The following MYO3B variants were observed in gnomAD, a reference collection of about 807,000 sequenced individuals.
The protein encoded by MYO3B is myosin-IIIb.
In MYO3B, 156 loss-of-function variants were observed where a neutral mutation model predicts 174.6. The ratio of observed to expected loss-of-function variants is 0.89; its 90% CI spans 0.78 to 1.02. MYO3B has a LOEUF of 1.02. MYO3B is among the 50% of genes least tolerant of loss of function. The pLI, the probability that MYO3B is intolerant of heterozygous loss-of-function variation, is 0.00. For missense variants in MYO3B, 1,632 were observed against 1,639.4 expected, an observed-to-expected ratio of 1.00 and a Z score of 0.08; for synonymous variants, 563 against 569.1, an observed-to-expected ratio of 0.99 and a Z score of 0.15.
intron 17 of MYO3B, 51 bp from the exon 18 acceptor site, chr2:170,401,430 A>C: frequency 1.3e-6 from 2 of 1,530,194 alleles, no homozygotes; most frequent in Non-Finnish European, 1.8e-6. Flanking sequence ...GAACAGACTG[A>C]CTGAATGAAG....
At chr2:170,308,964 C>T (rs1257689361) in intron 7 of MYO3B, among the ~76,000 whole-genome samples, 1 of 152,168 alleles carries the variant, frequency 6.6e-6, no homozygotes, top group Non-Finnish European at 1.5e-5. Context: ...AGAGGTTATG[C>T]CCTCTGTATC....
intron 5 of MYO3B, 144 bp from the exon 6 acceptor site, chr2:170,217,175 C>G (rs762468264): frequency 5.8e-6 from 4 of 690,808 alleles, no homozygotes; most frequent in Non-Finnish European, 1.1e-5. Context: ...TGTACTATTG[C>G]AGCAGAACTG....
At chr2:170,313,767 T>C (rs2093755559) in intron 7 of MYO3B, among the ~76,000 whole-genome samples, 1 of 152,118 alleles carries the variant, frequency 6.6e-6, no homozygotes, top group Non-Finnish European at 1.5e-5. Flanking sequence ...GCAGGCAAGA[T>C]TTCTCTCCAG....
At chr2:170,607,013 T>A (rs1331120151) in intron 32 of MYO3B, among the ~76,000 whole-genome samples, 1 of 152,000 alleles carries the variant, frequency 6.6e-6, no homozygotes, top group East Asian at 1.9e-4. Context: ...AAAGCGAAAC[T>A]CCGTCTCAAA....
At chr2:170,349,407 A>G (rs2094043182) in intron 8 of MYO3B, 1 of 152,166 alleles carries the variant, frequency 6.6e-6, no homozygotes, top group African/African-American at 2.4e-5. Context: ...CATATCCCCA[A>G]TACCTAGCAC....
chr2:170,632,374 G>A (rs1242312327), intron 32 of MYO3B, among the ~76,000 whole-genome samples: 1 of 152,134 alleles, frequency 6.6e-6, no homozygotes, highest in Non-Finnish European at 1.5e-5. Context: ...GCTCCTGAAT[G>A]ACTACTGGGT....
intron 32 of MYO3B, among the ~76,000 whole-genome samples, chr2:170,570,227 A>C (rs1692348146): frequency 6.6e-6 from 1 of 152,214 alleles, no homozygotes; most frequent in Non-Finnish European, 1.5e-5. Context: ...GAGAAAACCA[A>C]CTTTGCCCAT....
At chr2:170,244,803 G>A (rs1307270350) in intron 7 of MYO3B, among the ~76,000 whole-genome samples, 2 of 152,184 alleles carry the variant, frequency 1.3e-5, no homozygotes, top group East Asian at 1.9e-4. Flanking sequence ...TTTGAGACTG[G>A]TATGAATGGG....
intron 32 of MYO3B, among the ~76,000 whole-genome samples, chr2:170,633,431 T>C (rs1485315553): frequency 6.6e-6 from 1 of 152,052 alleles, no homozygotes; most frequent in East Asian, 1.9e-4. Context: ...CGCTTCATGC[T>C]AAAAACTCTC....
intron 6 of MYO3B, among the ~76,000 whole-genome samples, chr2:170,220,653 A>G (rs11690057): frequency 7.1e-6 from 1 of 141,094 alleles, no homozygotes; most frequent in African/African-American, 2.7e-5. Context: ...AAAAAAAAAA[A>G]ATGGAGTGTT....
intron 32 of MYO3B, among the ~76,000 whole-genome samples, chr2:170,634,471 A>G (rs1697288801): frequency 7.0e-6 from 1 of 143,390 alleles, no homozygotes; most frequent in Non-Finnish European, 1.5e-5. Flanking sequence ...AATTAATTCA[A>G]GATGGATTAA....
chr2:170,635,721 T>A (rs899208693), intron 32 of MYO3B, among the ~76,000 whole-genome samples: 1 of 152,108 alleles, frequency 6.6e-6, no homozygotes, highest in Non-Finnish European at 1.5e-5. Context: ...TAATCTGTGA[T>A]CAAAAGAAAT....
In MYO3B at chr2:170,651,733, A is replaced by T; in HGVS notation, c.3839A>T (p.Asn1280Ile). The change falls in exon 33 of 35, where the codon AAT (asparagine) becomes ATT (isoleucine). Residue 1280 changes from asparagine to isoleucine, a missense_variant and splice_region_variant. Asn to Ile is a moderately radical substitution (Grantham distance 149, BLOSUM62 -3). Transcript: ENST00000408978. ...PEDTMYYNQLNGTLEYQGSKR... is the reference protein window; with the variant it reads ...PEDTMYYNQLIGTLEYQGSKR... ...GACACCATGTACTATAACCAGTTAA[A>T]TGTGAGTTCAAAGTGGCCGTAAAGC... 2.5e-6 allele frequency: 4 copies of T among 1,612,902 alleles called. No individual in the cohort carries two copies. The highest frequency in any genetic ancestry group is 3.4e-6 in the Non-Finnish European group (4 of 1,178,964).
intron 32 of MYO3B, among the ~76,000 whole-genome samples, chr2:170,566,084 G>C (rs1278115945): frequency 6.6e-6 from 1 of 152,086 alleles, no homozygotes; most frequent in Non-Finnish European, 1.5e-5. Context: ...CATATCAGTA[G>C]GTTATAGTAC....
chr2:170,512,403 T>A (rs531595790), intron 28 of MYO3B, among the ~76,000 whole-genome samples: 68 of 152,318 alleles, frequency 4.5e-4, no homozygotes, highest in Non-Finnish European at 1.8e-4. Context: ...ACTGGCTCCT[T>A]GTAAAATCTG....
At chr2:170,463,245 T>C in intron 23 of MYO3B, 123 bp from the exon 24 acceptor site, 1 of 700,476 alleles carries the variant, frequency 1.4e-6, no homozygotes, top group Non-Finnish European at 2.5e-6. Flanking sequence ...GTATACACTA[T>C]TGTGTCCTAA....
intron 3 of MYO3B, among the ~76,000 whole-genome samples, chr2:170,202,722 C>T (rs866580498): frequency 3.3e-5 from 5 of 152,194 alleles, no homozygotes; most frequent in African/African-American, 1.2e-4. Flanking sequence ...TGATGGTCCA[C>T]ATAGTACCCT....
chr2:170,335,162 G>T (rs1422480592), intron 7 of MYO3B, among the ~76,000 whole-genome samples: 3 of 152,112 alleles, frequency 2.0e-5, no homozygotes, highest in Non-Finnish European at 4.4e-5. Context: ...ACTTTCACAG[G>T]TCCTGAGAAG....
chr2:170,554,806 T>G (rs1482777373), intron 32 of MYO3B, among the ~76,000 whole-genome samples: 1 of 152,190 alleles, frequency 6.6e-6, no homozygotes, highest in Non-Finnish European at 1.5e-5. Context: ...GCGGGTGGTG[T>G]GTGAGTCAAG....
Sources: gnomAD v4.1 joint callset for allele counts (sites outside exome capture counted in the v4.1 genomes callset) on GRCh38, gnomAD v4.1.1 for gene constraint, MANE v1.5 for transcripts, NCBI Gene and HGNC (gene_info 2026-07-23, HGNC 2026-07-21) for gene names.